The following CNTROB variants were observed in gnomAD, a reference collection of about 807,000 sequenced individuals.
CNTROB encodes the protein centrobin, centriole duplication and spindle assembly protein.
CNTROB carries 82 observed loss-of-function variants against 115.7 expected under a neutral mutation model. The observed-to-expected ratio is 0.71, with a 90% CI of 0.59 to 0.85. The LOEUF is 0.85. Among genes scored for constraint, CNTROB ranks in the 40% least tolerant of loss-of-function variants. The pLI, the probability that CNTROB is intolerant of heterozygous loss-of-function variation, is 0.00. For missense variants in CNTROB, 1,014 were observed against 1,144.4 expected (o/e 0.89, Z 1.64); for synonymous variants, 439 against 456.4 (o/e 0.96, Z 0.49).
Position 7,939,448 on chromosome 17 carries a change from C to CA in CNTROB, c.928-64dup, listed in dbSNP as rs1390137257. 16 of 1,345,008 alleles carry CA rather than the reference C, an allele frequency of 1.2e-5. No homozygotes were observed. In the Admixed American group the frequency reaches 2.4e-4, roughly 21 times the overall value. The allele number at this position is 1,345,008 out of a possible 1,614,324, so 83.3% of individuals were successfully genotyped here. On this transcript the variant is annotated intron_variant, in intron 7 of 18. Transcript: ENST00000563694. The surrounding 1 kb of genome is among the most constrained non-coding windows in gnomAD (Gnocchi z 4.4). ...CTCAGCAGGCACCTTGTATGAGGGT[C>CA]AGAGGGCAGATCGCTGGTCTCTGAA...
In CNTROB at chr17:7,944,642, C is replaced by T. The variant is rs776868392; in HGVS notation, c.1734+4C>T. The T allele has an allele frequency of 1.9e-5, 30 of 1,596,958 alleles. 3 individuals carry two copies. In the Middle Eastern group the frequency reaches 2.2e-3, roughly 116 times the overall value. On this transcript the variant is annotated splice_donor_region_variant and intron_variant, in intron 12 of 18. Transcript: ENST00000563694. This position sits in a 1 kb window ranked among gnomAD's most constrained non-coding sequence, Gnocchi z 4.0. ...TCTCCCGCCGCCCAACCCTCCAGTA[C>T]GCCTTACCCCTTGAGCTAAGCTTCT...
chr17:7,937,022 C>T, intron 6 of CNTROB, 142 bp from the exon 7 acceptor site: 1 of 1,080,570 alleles, frequency 9.3e-7, no homozygotes, highest in African/African-American at 1.6e-5. Flanking sequence ...TAATTTTTCC[C>T]ACACCATGTA....
chr17:7,936,658 A>T, intron 5 of CNTROB, 43 bp from the exon 6 acceptor site: 2 of 958,756 alleles, frequency 2.1e-6, no homozygotes, highest in South Asian at 2.6e-5. Flanking sequence ...AGAAAGAGGC[A>T]AAAAAGTTAT....
Position 7,932,935 on chromosome 17 carries a change from C to T in CNTROB, c.-145C>T. Reference sequence around the variant, plus strand: ...AACCTTTCCTCTAACCAGAAAGCCTCGATATCCTTAATTCACCAAGGATCC... The same window carrying T: ...AACCTTTCCTCTAACCAGAAAGCCTTGATATCCTTAATTCACCAAGGATCC... On this transcript the variant is annotated 5_prime_UTR_variant, in exon 1 of 19. Transcript: ENST00000563694. 1.1e-6 allele frequency: 1 copy of T among 901,528 alleles called. No individual in the cohort carries two copies. The highest frequency in any genetic ancestry group is 1.7e-6 in the Non-Finnish European group (1 of 595,970). The allele number at this position is 901,528 out of a possible 1,614,324, so 55.8% of individuals were successfully genotyped here.
chr17:7,944,877 A>G lies in CNTROB; in HGVS notation c.1734+239A>G, dbSNP rs1227991597. Among the ~76,000 whole-genome samples, 3 of 152,162 alleles carry G rather than the reference A, an allele frequency of 2.0e-5. No homozygotes were observed. Among genetic ancestry groups the G allele is most frequent in the Non-Finnish European group, 4.4e-5 (3 of 68,032 alleles). ...TTCTAGATTCCTTCTTTGGAAATCTAGCTCCCTCCCAAGGGAAGTACTAAG... is the reference window on the plus strand; with the variant it reads ...TTCTAGATTCCTTCTTTGGAAATCTGGCTCCCTCCCAAGGGAAGTACTAAG... On this transcript the variant is annotated intron_variant, in intron 12 of 18. Coordinates refer to ENST00000563694, the MANE Select transcript of CNTROB (RefSeq NM_053051.5). This position sits in a 1 kb window ranked among gnomAD's most constrained non-coding sequence, Gnocchi z 4.0.
chr17:7,941,090 G>A (rs547456797), intron 9 of CNTROB, among the ~76,000 whole-genome samples: 17 of 152,224 alleles, frequency 1.1e-4, no homozygotes, highest in Non-Finnish European at 2.4e-4. Context: ...GCCCATGGGG[G>A]AGACACAGCG....
At chr17:7,938,715 G>T (rs192881738) in intron 7 of CNTROB, among the ~76,000 whole-genome samples, 9 of 152,280 alleles carry the variant, frequency 5.9e-5, no homozygotes, top group Admixed American at 2.0e-4. Context: ...TTGAACCCAG[G>T]TCTACCTGGC....
chr17:7,948,050 T>G lies in CNTROB; in HGVS notation c.2209+71T>G, dbSNP rs1205421280. ...ATCGGAGTTGGTTATCTAGGATGAA[T>G]TTTTAGGAGCTGGCAAAAGTAATAA... is the stretch of plus-strand genomic sequence containing the variant. On this transcript the variant is annotated intron_variant, in intron 15 of 18. Coordinates refer to ENST00000563694, the MANE Select transcript of CNTROB (RefSeq NM_053051.5). The surrounding 1 kb of genome is among the most constrained non-coding windows in gnomAD (Gnocchi z 4.4). 1.9e-6 allele frequency: 3 copies of G among 1,597,936 alleles called. No homozygotes were observed. The African/African-American group carries it at 4.0e-5, about 21-fold the overall frequency.
rs372506805 is a variant in CNTROB, at chr17:7,933,155, G to C, written c.76G>C (p.Gly26Arg). 58 of 1,614,066 alleles carry C rather than the reference G, an allele frequency of 3.6e-5. No homozygotes were observed. The highest frequency in any genetic ancestry group is 4.8e-5 in the Non-Finnish European group (57 of 1,180,044). The change falls in exon 1 of 19, where the codon GGG becomes CGG. Residue 26 changes from glycine to arginine, a missense_variant. Coordinates refer to ENST00000563694, the MANE Select transcript of CNTROB (RefSeq NM_053051.5). ...CCTGAGTGATTCATCAGAACCCCCT[G>C]GGCTCAACCAAGTGTCGTCTGAAGT... ...DLLSDSSEPP[G>R]LNQVSSEVTS...
intron 13 of CNTROB, among the ~76,000 whole-genome samples, chr17:7,947,301 G>C (rs1598112661): frequency 6.6e-6 from 1 of 152,168 alleles, no homozygotes; most frequent in East Asian, 1.9e-4. Flanking sequence ...CAGGGAGTTT[G>C]TGAGGGTATT....
At chr17:7,941,014 G>A (rs1973787912) in intron 9 of CNTROB, among the ~76,000 whole-genome samples, 1 of 152,178 alleles carries the variant, frequency 6.6e-6, no homozygotes, top group Non-Finnish European at 1.5e-5. Context: ...GCAATGGAGG[G>A]CTGAATTGGG....
Position 7,944,465 on chromosome 17 carries a change from CT to C in CNTROB, c.1572-8del, listed in dbSNP as rs143485152. ...AAAGGCCCTGAGTCACTTCTTCTCT[CT>C]TTGCTTCAGACTGGCCCGGGAGCAA... On this transcript the variant is annotated splice_polypyrimidine_tract_variant and intron_variant, in intron 11 of 18. Transcript: ENST00000563694. The surrounding 1 kb of genome is among the most constrained non-coding windows in gnomAD (Gnocchi z 4.0). 3.9e-4 allele frequency: 629 copies of C among 1,611,946 alleles called. 8 individuals are homozygous for C. The East Asian group carries it at 0.014, about 36-fold the overall frequency.
Position 7,944,413 on chromosome 17 carries a change from T to G in CNTROB, c.1572-63T>G. The G allele has an allele frequency of 2.5e-6, 4 of 1,595,998 alleles. No individual in the cohort carries two copies. Among genetic ancestry groups the G allele is most frequent in the Non-Finnish European group, 3.4e-6 (4 of 1,167,552 alleles). ...TGTCCAACATTTCCCTTCTGGCTCTTTTTAGCTCCCAAGTATCTGCTTCCT... is the reference window on the plus strand; with the variant it reads ...TGTCCAACATTTCCCTTCTGGCTCTGTTTAGCTCCCAAGTATCTGCTTCCT... On this transcript the variant is annotated intron_variant, in intron 11 of 18. Transcript: ENST00000563694. The surrounding 1 kb of genome is among the most constrained non-coding windows in gnomAD (Gnocchi z 4.0).
chr17:7,934,617 T>G, intron 3 of CNTROB, 71 bp downstream of exon 3: 1 of 1,345,028 alleles, frequency 7.4e-7, no homozygotes. Flanking sequence ...TCCTTATTTC[T>G]CCCTTTATTG....
rs909258364 is a variant in CNTROB, at chr17:7,934,182, G to A, written c.315G>A (p.Gln105=). The A allele has an allele frequency of 6.2e-7, 1 of 1,614,174 alleles. No homozygotes were observed. The highest frequency in any genetic ancestry group is 1.3e-5 in the African/African-American group (1 of 75,038). Residue 105 remains glutamine, a synonymous_variant, in exon 2 of 19, where the codon CAG becomes CAA. Transcript: ENST00000563694. Reference sequence around the variant, plus strand: ...TTGAGATGGAAAGTGTTCGGGGTCAGCTCCAGACCATGCTCCAAACCTCAC... The same window carrying A: ...TTGAGATGGAAAGTGTTCGGGGTCAACTCCAGACCATGCTCCAAACCTCAC... ...HIFEMESVRG[Q]LQTMLQTSRD...
chr17:7,942,533 G>C (rs966864179), intron 9 of CNTROB, among the ~76,000 whole-genome samples: 4 of 146,300 alleles, frequency 2.7e-5, no homozygotes, highest in African/African-American at 1.0e-4. Context: ...GGAGGCAGAG[G>C]TTGCAGTGAG....
Position 7,944,115 on chromosome 17 carries a change from C to A in CNTROB, c.1446-8C>A. 1 of 1,601,854 alleles carries A rather than the reference C, an allele frequency of 6.2e-7. No homozygotes were observed. The highest frequency in any genetic ancestry group is 8.6e-7 in the Non-Finnish European group (1 of 1,169,000). Reference sequence around the variant, plus strand: ...TCTCAGGCCTCTTCTCCTACCTGTGCCCTGTAGGAAGCAGCTGCAGGACCT... The same window carrying A: ...TCTCAGGCCTCTTCTCCTACCTGTGACCTGTAGGAAGCAGCTGCAGGACCT... On this transcript the variant is annotated splice_region_variant and splice_polypyrimidine_tract_variant and intron_variant, in intron 10 of 18. Transcript: ENST00000563694. This position sits in a 1 kb window ranked among gnomAD's most constrained non-coding sequence, Gnocchi z 4.0.
At chr17:7,935,458 T>C (rs1178681537) in intron 4 of CNTROB, among the ~76,000 whole-genome samples, 1 of 150,632 alleles carries the variant, frequency 6.6e-6, no homozygotes, top group Non-Finnish European at 1.5e-5. Flanking sequence ...GCCGAGATCA[T>C]GCCGCTGCAC....
chr17:7,933,360 T>G lies in CNTROB; in HGVS notation c.270+11T>G. 1.2e-6 allele frequency: 2 copies of G among 1,608,410 alleles called. No individual in the cohort carries two copies. The highest frequency in any genetic ancestry group is 1.7e-6 in the Non-Finnish European group (2 of 1,176,842). ...AACTTGAAGAAAAAGGTGAGGGAAG[T>G]GTGTCTTGGAGACCACTGTGGCACT... On this transcript the variant is annotated intron_variant, in intron 1 of 18. Coordinates refer to ENST00000563694, the MANE Select transcript of CNTROB (RefSeq NM_053051.5).
Sources: gnomAD v4.1 joint callset for allele counts (sites outside exome capture counted in the v4.1 genomes callset) on GRCh38, gnomAD v4.1.1 for gene constraint, Gnocchi (gnomAD v3.1) non-coding constraint, MANE v1.5 for transcripts, NCBI Gene and HGNC (gene_info 2026-07-23, HGNC 2026-07-21) for gene names.